The following CCNJL variants were observed in gnomAD, a reference collection of about 807,000 sequenced individuals.
The protein encoded by CCNJL is cyclin J like, also known as cyclin-J-like protein.
CCNJL carries 33 observed loss-of-function variants against 33.4 expected under a neutral mutation model. That is an observed-to-expected ratio of 0.99 (90% CI 0.75 to 1.32). The LOEUF (loss-of-function observed/expected upper bound fraction) is 1.32. Among genes scored for constraint, CCNJL ranks in the 40% most tolerant of loss-of-function variants. The pLI, the probability that CCNJL is intolerant of heterozygous loss-of-function variation, is 0.00. For synonymous variants in CCNJL, 227 were observed against 220.9 expected (o/e 1.03, Z -0.24); for missense variants, 512 against 499.7 (o/e 1.02, Z -0.23).
chr5:160,305,331 G>T (rs761557857), intron 2 of CCNJL, among the ~76,000 whole-genome samples: 15 of 152,194 alleles, frequency 9.9e-5, no homozygotes, highest in Non-Finnish European at 2.2e-4. Context: ...GTCAGAGTTC[G>T]GCAAGCGGGG....
chr5:160,295,212 C>T (rs755459543), intron 2 of CCNJL, among the ~76,000 whole-genome samples: 7 of 152,306 alleles, frequency 4.6e-5, no homozygotes, highest in South Asian at 2.1e-4. Context: ...AATAGTCAGC[C>T]GGGCACAGTG....
At chr5:160,267,556 G>A (rs1049764068) in intron 3 of CCNJL, among the ~76,000 whole-genome samples, 2 of 152,042 alleles carry the variant, frequency 1.3e-5, no homozygotes, top group Non-Finnish European at 1.5e-5. Flanking sequence ...TACATCATAA[G>A]CAGGAAACCT....
chr5:160,272,158 A>G (rs533491269), intron 3 of CCNJL, among the ~76,000 whole-genome samples: 9 of 152,296 alleles, frequency 5.9e-5, no homozygotes, highest in Non-Finnish European at 1.0e-4. Flanking sequence ...TGTCGACCAG[A>G]AAGGATTAAG....
chr5:160,294,567 C>A (rs1762689601), intron 2 of CCNJL, among the ~76,000 whole-genome samples: 1 of 152,384 alleles, frequency 6.6e-6, no homozygotes, highest in African/African-American at 2.4e-5. Flanking sequence ...AGTGACCACA[C>A]ACATGCGTGC....
chr5:160,334,579 G>T (rs542484872), intron 1 of CCNJL, among the ~76,000 whole-genome samples: 1 of 122,930 alleles, frequency 8.1e-6, no homozygotes, highest in South Asian at 2.6e-4. Context: ...AGCACAGAAA[G>T]GTTAAGAGAC....
At chr5:160,285,140 A>C (rs534813423) in intron 2 of CCNJL, among the ~76,000 whole-genome samples, 28 of 152,146 alleles carry the variant, frequency 1.8e-4, no homozygotes, top group Non-Finnish European at 3.1e-4. Flanking sequence ...CAGTGAGCTG[A>C]GATCGCACCA....
intron 2 of CCNJL, among the ~76,000 whole-genome samples, chr5:160,301,592 C>T (rs1481860043): frequency 6.6e-6 from 1 of 151,688 alleles, no homozygotes; most frequent in African/African-American, 2.4e-5. Context: ...TGCCACCACG[C>T]CCAGCAATTT....
At chr5:160,280,903 C>T (rs775032139) in intron 2 of CCNJL, 165 bp from the exon 3 acceptor site, 1 of 701,920 alleles carries the variant, frequency 1.4e-6, no homozygotes, top group South Asian at 1.5e-5. Flanking sequence ...CCTGGGCTAT[C>T]TCCCATCTGC....
intron 3 of CCNJL, among the ~76,000 whole-genome samples, chr5:160,271,836 T>G (rs957015831): frequency 6.6e-6 from 1 of 152,262 alleles, no homozygotes; most frequent in East Asian, 1.9e-4. Flanking sequence ...GCTCAAGCAT[T>G]TCAAATGCTC....
intron 3 of CCNJL, among the ~76,000 whole-genome samples, chr5:160,273,318 A>C (rs776340065): frequency 6.6e-6 from 1 of 152,238 alleles, no homozygotes; most frequent in Non-Finnish European, 1.5e-5. Flanking sequence ...CAACAGCATT[A>C]TAACTTCTGC....
At chr5:160,328,736 C>T (rs551202575) in intron 1 of CCNJL, among the ~76,000 whole-genome samples, 56 of 151,544 alleles carry the variant, frequency 3.7e-4, no homozygotes, top group Middle Eastern at 3.4e-3. Context: ...AAAAATTAGC[C>T]GTGCGTGGTG....
intron 1 of CCNJL, 140 bp from the exon 2 acceptor site, chr5:160,312,112 C>T: frequency 1.6e-6 from 1 of 613,010 alleles, no homozygotes; most frequent in Non-Finnish European, 2.9e-6. Context: ...GAGGTCGCCT[C>T]TGGTCCGCGG....
chr5:160,273,904 C>G (rs1761923260), intron 3 of CCNJL, among the ~76,000 whole-genome samples: 2 of 151,888 alleles, frequency 1.3e-5, no homozygotes, highest in African/African-American at 4.8e-5. Flanking sequence ...CCACCTCGGC[C>G]TCCCAAAGTG....
chr5:160,294,053 G>A (rs1266553170), intron 2 of CCNJL, among the ~76,000 whole-genome samples: 9 of 152,170 alleles, frequency 5.9e-5, no homozygotes, highest in African/African-American at 9.7e-5. Context: ...GAACCGCAGA[G>A]AGGTGAAGAA....
intron 3 of CCNJL, among the ~76,000 whole-genome samples, chr5:160,265,221 C>A (rs1761524813): frequency 6.6e-6 from 1 of 152,226 alleles, no homozygotes; most frequent in Non-Finnish European, 1.5e-5. Context: ...TACTGATGGA[C>A]CCATTCAGGG....
intron 5 of CCNJL, chr5:160,254,011 A>AG: frequency 2.1e-6 from 1 of 476,942 alleles, no homozygotes. Flanking sequence ...TGCTTCCTAC[A>AG]GAAAATTTCT....
intron 3 of CCNJL, among the ~76,000 whole-genome samples, chr5:160,268,163 G>A (rs544979944): frequency 1.2e-4 from 18 of 152,338 alleles, no homozygotes; most frequent in African/African-American, 3.6e-4. Context: ...GCAGACAAGC[G>A]TCTTTCTGAG....
chr5:160,260,421 C>A (rs533538419), intron 3 of CCNJL, among the ~76,000 whole-genome samples: 1 of 152,118 alleles, frequency 6.6e-6, no homozygotes. Flanking sequence ...AGGACACAAG[C>A]GAGTCACCAC....
rs1291491128 is a variant in CCNJL at position 160,252,180 on chromosome 5, T to C, written c.*1198A>G. 2 of 152,628 alleles carry C rather than the reference T, an allele frequency of 1.3e-5. No individual in the cohort carries two copies. The highest frequency in any genetic ancestry group is 6.5e-5 in the Admixed American group (1 of 15,274). 9.5% of individuals were successfully genotyped at this position (152,628 alleles called of 1,614,324 possible). ...AGCTGCGAGTCAGAATAAAAACATA[T>C]TGCACATGGTTACAAGAGTCTTCCT... is the stretch of plus-strand genomic sequence containing the variant. On this transcript the variant is annotated 3_prime_UTR_variant, in exon 6 of 6. Transcript: ENST00000257536.
Sources: allele counts gnomAD v4.1 joint callset (sites outside exome capture counted in the v4.1 genomes callset), GRCh38; gene constraint gnomAD v4.1.1; transcripts MANE v1.5; gene names NCBI Gene and HGNC (gene_info 2026-07-23, HGNC 2026-07-21).